Variants in NUB1 observed in about 807,000 individuals in gnomAD.
NUB1 encodes NEDD8 ultimate buster 1.
A neutral mutation model predicts 77.1 loss-of-function variants in NUB1; 41 were observed. The observed-to-expected ratio is 0.53, with a 90% CI of 0.41 to 0.69. The LOEUF (loss-of-function observed/expected upper bound fraction) is 0.69, where lower values mean the gene tolerates loss of function less well. NUB1 is among the 30% of genes least tolerant of loss of function. NUB1 has a pLI of 0.00. For synonymous variants in NUB1, 257 were observed against 281.0 expected (o/e 0.91, Z 0.85); for missense variants, 643 against 743.8 (o/e 0.86, Z 1.58).
Position 151,369,795 on chromosome 7 carries a change from C to T in NUB1, c.1248+908C>T, listed in dbSNP as rs549861874. ...CTCCAGCCATAGAAGTCTCTAGAAT[C>T]TTCACATGTATGTTACCTCGTTTCC... On this transcript the variant is annotated intron_variant, in intron 11 of 14. Transcript: ENST00000568733. Among the ~76,000 whole-genome samples, 19 of 152,320 alleles carry T rather than the reference C, an allele frequency of 1.2e-4. No individual in the cohort carries two copies. The South Asian group carries it at 3.3e-3, about 27-fold the overall frequency.
chr7:151,372,818 A>G (rs1798023255), intron 11 of NUB1, among the ~76,000 whole-genome samples: 1 of 152,066 alleles, frequency 6.6e-6, no homozygotes, highest in Non-Finnish European at 1.5e-5. Flanking sequence ...CTGGCCACTG[A>G]GAGGTAGAGC....
chr7:151,371,245 G>A (rs1797942502), intron 11 of NUB1, among the ~76,000 whole-genome samples: 2 of 152,206 alleles, frequency 1.3e-5, no homozygotes, highest in African/African-American at 2.4e-5. Flanking sequence ...GGGATGTGGT[G>A]GGATTTATTG....
intron 3 of NUB1, among the ~76,000 whole-genome samples, chr7:151,350,298 C>G (rs997537043): frequency 2.0e-5 from 3 of 152,230 alleles, no homozygotes; most frequent in Non-Finnish European, 4.4e-5. Flanking sequence ...AGGCCTTCCA[C>G]AAGAGGTGGT....
chr7:151,347,506 G>A (rs1014315102), intron 2 of NUB1, among the ~76,000 whole-genome samples: 7 of 152,158 alleles, frequency 4.6e-5, no homozygotes, highest in South Asian at 2.1e-4. Context: ...TGCCCAGGCT[G>A]GAGTGCAATG....
At chr7:151,366,184 C>G (rs1216137901) in intron 8 of NUB1, among the ~76,000 whole-genome samples, 1 of 152,154 alleles carries the variant, frequency 6.6e-6, no homozygotes, top group Non-Finnish European at 1.5e-5. Flanking sequence ...TGTCTTTCTT[C>G]CCTTTGCTGC....
intron 2 of NUB1, among the ~76,000 whole-genome samples, chr7:151,347,399 T>C (rs1796550443): frequency 7.5e-6 from 1 of 133,070 alleles, no homozygotes; most frequent in Non-Finnish European, 1.6e-5. Flanking sequence ...GGCAACGTAG[T>C]GAGACCCCGT....
Position 151,377,834 on chromosome 7 carries a change from C to T in NUB1, c.*609C>T, listed in dbSNP as rs1275194107. On this transcript the variant is annotated 3_prime_UTR_variant, in exon 15 of 15. Transcript: ENST00000568733. ...GCCTGGGACGCCAGTGTTTTATGCT[C>T]TTAGTTCAGTAAAATACGCCCCCGA... 1 of 152,234 alleles carries T rather than the reference C, an allele frequency of 6.6e-6. No individual in the cohort carries two copies. Among genetic ancestry groups the T allele is most frequent in the Non-Finnish European group, 1.5e-5 (1 of 68,038 alleles). 9.4% of individuals were successfully genotyped at this position (152,234 alleles called of 1,614,324 possible). A position where few individuals can be genotyped will look rare whatever the true frequency, so the allele number is the denominator to read the frequency against.
intron 1 of NUB1, among the ~76,000 whole-genome samples, chr7:151,342,633 A>G (rs1796266940): frequency 6.6e-6 from 1 of 152,220 alleles, no homozygotes. Context: ...GACTTAAAAT[A>G]TGTCGCCACT....
intron 7 of NUB1, among the ~76,000 whole-genome samples, chr7:151,358,648 G>T (rs1364695357): frequency 1.3e-5 from 2 of 152,180 alleles, no homozygotes; most frequent in Non-Finnish European, 2.9e-5. Flanking sequence ...TGGAAAAATT[G>T]TCTTCCATGA....
chr7:151,349,797 C>G (rs1044536258), intron 3 of NUB1, among the ~76,000 whole-genome samples: 1 of 152,252 alleles, frequency 6.6e-6, no homozygotes, highest in Non-Finnish European at 1.5e-5. Context: ...CCTACTGGGT[C>G]TGTGGTTTTT....
At position 151,367,919 on chromosome 7, in the gene NUB1, G is replaced by A. The variant is rs373576077; in HGVS notation, c.1046G>A (p.Arg349Gln). 26 of 1,600,112 alleles carry A rather than the reference G, an allele frequency of 1.6e-5. No homozygotes were observed. In the African/African-American group the frequency reaches 2.7e-4, roughly 16 times the overall value. ...AGACTCTACTTACTTCAAGGGATCC[G>A]AAACTATCACAGTGGAAATGATGTA... ...FLRLYLLQGI[R>Q]NYHSGNDVEA... The change falls in exon 10 of 15, where the codon CGA (arginine) becomes CAA (glutamine). Residue 349 changes from arginine to glutamine, a missense_variant. Transcript: ENST00000568733.
At chr7:151,375,179 T>C (rs1294925355) in intron 12 of NUB1, among the ~76,000 whole-genome samples, 1 of 152,236 alleles carries the variant, frequency 6.6e-6, no homozygotes, top group African/African-American at 2.4e-5. Flanking sequence ...CACAAGTCAG[T>C]ACTTTTGTAA....
intron 11 of NUB1, among the ~76,000 whole-genome samples, chr7:151,372,836 G>C (rs1798024662): frequency 6.6e-6 from 1 of 152,164 alleles, no homozygotes; most frequent in Non-Finnish European, 1.5e-5. Flanking sequence ...AGCACGTAAT[G>C]GGGGCATGAG....
chr7:151,367,073 A>G lies in NUB1; in HGVS notation c.935A>G (p.Lys312Arg). ...GAAAAAAAATTAAACTTGGCCCAGA[A>G]ATGCTTTAAAAATTGTTACGGAGAA... Reference protein sequence around the residue: ...DAEKKLNLAQKCFKNCYGENH... With the variant: ...DAEKKLNLAQRCFKNCYGENH... The change falls in exon 9 of 15, where the codon AAA (lysine) becomes AGA (arginine). Residue 312 changes from lysine (K) to arginine (R), a missense_variant. Lys to Arg is a conservative substitution (Grantham distance 26). Transcript: ENST00000568733. 6.2e-7 allele frequency: 1 copy of G among 1,613,864 alleles called. No individual in the cohort carries two copies. Among genetic ancestry groups the G allele is most frequent in the Non-Finnish European group, 8.5e-7 (1 of 1,179,850 alleles).
intron 8 of NUB1, chr7:151,361,191 C>G (rs1362223848): frequency 1.3e-5 from 2 of 152,158 alleles, no homozygotes; most frequent in Non-Finnish European, 2.9e-5. Flanking sequence ...TACTTTGTTT[C>G]TTTCTCCTTA....
chr7:151,343,825 A>C (rs543219864), intron 1 of NUB1, among the ~76,000 whole-genome samples: 2 of 152,218 alleles, frequency 1.3e-5, no homozygotes, highest in African/African-American at 4.8e-5. Flanking sequence ...TCTTTGCCTG[A>C]GTCATGGTAC....
At position 151,364,436 on chromosome 7, in the gene NUB1, A is replaced by C. The variant is rs988018701; in HGVS notation, c.801-2503A>C. On this transcript the variant is annotated intron_variant, in intron 8 of 14. Transcript: ENST00000568733. ...ACTCCGTCTCAAAAACAAAAACAAAAAAAAACAAAAAAAAAAACAAAAAAA... is the reference window on the plus strand; with the variant it reads ...ACTCCGTCTCAAAAACAAAAACAAACAAAAACAAAAAAAAAAACAAAAAAA... Among the ~76,000 whole-genome samples, 6 of 151,722 alleles carry C rather than the reference A, an allele frequency of 4.0e-5. 1 individual carries two copies. The highest frequency in any genetic ancestry group is 1.5e-4 in the African/African-American group (6 of 41,366).
Position 151,377,338 on chromosome 7 carries a change from T to G in NUB1, c.*113T>G. On this transcript the variant is annotated 3_prime_UTR_variant, in exon 15 of 15. Transcript: ENST00000568733. ...ATCTGAATTACAAGTCCTCTTTGGG[T>G]GTAGGAGGGGGTGGGCAGGGGACAA... The G allele has an allele frequency of 1.3e-6, 1 of 747,114 alleles. No individual in the cohort carries two copies. The highest frequency in any genetic ancestry group is 2.1e-6 in the Non-Finnish European group (1 of 487,706). 46.3% of individuals were successfully genotyped at this position (747,114 alleles called of 1,614,324 possible). A position where few individuals can be genotyped will look rare whatever the true frequency, so the allele number is the denominator to read the frequency against.
chr7:151,377,234 C>T lies in NUB1; in HGVS notation c.*9C>T, dbSNP rs747387276. 1.8e-5 allele frequency: 27 copies of T among 1,507,796 alleles called. No individual in the cohort carries two copies. Among genetic ancestry groups the T allele is most frequent in the Non-Finnish European group, 2.3e-5 (26 of 1,118,586 alleles). 93.4% of individuals were successfully genotyped at this position (1,507,796 alleles called of 1,614,324 possible). A position where few individuals can be genotyped will look rare whatever the true frequency, so the allele number is the denominator to read the frequency against. ...CAACAAAGAAAAACTAAATAATGAACAGAAATAGCGCTAATTTTCTGCTTA... is the reference window on the plus strand; with the variant it reads ...CAACAAAGAAAAACTAAATAATGAATAGAAATAGCGCTAATTTTCTGCTTA... On this transcript the variant is annotated 3_prime_UTR_variant, in exon 15 of 15. Coordinates refer to ENST00000568733, the MANE Select transcript of NUB1 (RefSeq NM_001243351.2).
Sources: allele counts gnomAD v4.1 joint callset (sites outside exome capture counted in the v4.1 genomes callset), GRCh38; gene constraint gnomAD v4.1.1; transcripts MANE v1.5; gene names NCBI Gene and HGNC (gene_info 2026-07-23, HGNC 2026-07-21).